GRB14: variants seen among roughly 807,000 people sequenced by gnomAD.
The protein encoded by GRB14 is growth factor receptor-bound protein 14.
GRB14 carries 38 observed loss-of-function variants against 69.1 expected under a neutral mutation model. The observed-to-expected ratio is 0.55, with a 90% CI of 0.42 to 0.72. The LOEUF is 0.72. Among genes scored for constraint, GRB14 ranks in the 30% least tolerant of loss-of-function variants. GRB14 has a pLI of 0.00. For synonymous variants in GRB14, 247 were observed against 241.3 expected, an observed-to-expected ratio of 1.02 and a Z score of -0.22; for missense variants, 666 against 666.1, an observed-to-expected ratio of 1.00 and a Z score of 0.00.
rs1368912017 is a variant in GRB14 at position 164,547,801 on chromosome 2, T to C, written c.340A>G (p.Ser114Gly). ...AAAGCCCTGCTGGTTTCATCTTCAC[T>C]GTATACTTTAATCACCTGTGTAGGT... ...SRKKQVIKVY[S>G]EDETSRALDV... The change falls in exon 3 of 14, where the codon AGT becomes GGT. Residue 114 changes from serine to glycine, a missense_variant. Physicochemically the swap from Ser to Gly is moderately conservative, Grantham distance 56. Coordinates refer to ENST00000263915, the MANE Select transcript of GRB14 (RefSeq NM_004490.3). 2.9e-5 allele frequency: 47 copies of C among 1,611,456 alleles called. No individual in the cohort carries two copies. The highest frequency in any genetic ancestry group is 3.8e-5 in the Non-Finnish European group (45 of 1,178,454).
intron 3 of GRB14, among the ~76,000 whole-genome samples, chr2:164,533,972 C>T (rs1281843446): frequency 9.9e-5 from 15 of 152,234 alleles, no homozygotes; most frequent in Non-Finnish European, 4.4e-5. Flanking sequence ...TATTTACATA[C>T]TGCAATTACT....
intron 12 of GRB14, 56 bp from the exon 13 acceptor site, chr2:164,494,580 A>G (rs1574237055): frequency 1.1e-6 from 1 of 918,706 alleles, no homozygotes; most frequent in East Asian, 2.4e-5. Flanking sequence ...ATTTCATAGA[A>G]CTATAGCATT....
At chr2:164,566,869 C>T (rs1688988129) in intron 2 of GRB14, among the ~76,000 whole-genome samples, 1 of 152,082 alleles carries the variant, frequency 6.6e-6, no homozygotes. Flanking sequence ...GAAGTAAAGA[C>T]TCCAAGAGTT....
At position 164,502,006 on chromosome 2, in the gene GRB14, T is replaced by G. The variant is rs947734955; in HGVS notation, c.1104+249A>C. ...ATAATTGTTTCAAATATTTAAAACT[T>G]TAACATATACTATTATATATTTTAT... On this transcript the variant is annotated intron_variant, in intron 9 of 13. Coordinates refer to ENST00000263915, the MANE Select transcript of GRB14 (RefSeq NM_004490.3). Among the ~76,000 whole-genome samples, 4 of 151,972 alleles carry G rather than the reference T, an allele frequency of 2.6e-5. No homozygotes were observed. In the East Asian group the frequency reaches 5.8e-4, roughly 22 times the overall value.
At chr2:164,517,042 T>C (rs1323716316) in intron 6 of GRB14, among the ~76,000 whole-genome samples, 1 of 152,100 alleles carries the variant, frequency 6.6e-6, no homozygotes, top group Non-Finnish European at 1.5e-5. Context: ...GTTTTCATGC[T>C]GCTGATAAAG....
chr2:164,578,522 G>GCACACACACACA (rs61283767), intron 2 of GRB14, among the ~76,000 whole-genome samples: 33 of 145,680 alleles, frequency 2.3e-4, no homozygotes, highest in Admixed American at 8.2e-4. Context: ...CAATTCGCGC[G>GCACACACACACA]CACACACACA....
chr2:164,514,406 T>C (rs528578231), intron 6 of GRB14, among the ~76,000 whole-genome samples: 55 of 152,086 alleles, frequency 3.6e-4, no homozygotes, highest in Non-Finnish European at 7.5e-4. Flanking sequence ...AGGGGGATCG[T>C]CCACCCCTGA....
chr2:164,555,140 G>T (rs1425316954), intron 2 of GRB14, among the ~76,000 whole-genome samples: 1 of 152,200 alleles, frequency 6.6e-6, no homozygotes, highest in African/African-American at 2.4e-5. Context: ...AGTGAGCAAA[G>T]GCTAAGCAGT....
chr2:164,511,407 C>T (rs1687334959), intron 6 of GRB14, among the ~76,000 whole-genome samples: 1 of 152,160 alleles, frequency 6.6e-6, no homozygotes, highest in Non-Finnish European at 1.5e-5. Context: ...TGTCTTACAT[C>T]TTGGATACCA....
At chr2:164,573,114 G>T (rs1204843425) in intron 2 of GRB14, among the ~76,000 whole-genome samples, 1 of 151,926 alleles carries the variant, frequency 6.6e-6, no homozygotes, top group Non-Finnish European at 1.5e-5. Context: ...CTCCTTTCTT[G>T]CCTGAGACTT....
chr2:164,560,752 A>G (rs1373392729), intron 2 of GRB14, among the ~76,000 whole-genome samples: 1 of 152,106 alleles, frequency 6.6e-6, no homozygotes, highest in Non-Finnish European at 1.5e-5. Context: ...CTGCAAAATA[A>G]TAATTCCTGG....
chr2:164,493,362 A>C (rs927743112), intron 13 of GRB14, among the ~76,000 whole-genome samples, 180 bp from the exon 14 acceptor site: 2 of 152,146 alleles, frequency 1.3e-5, no homozygotes, highest in Non-Finnish European at 2.9e-5. Flanking sequence ...TTTAAAAGAA[A>C]TATCAGCTGA....
At chr2:164,615,839 A>G (rs910152835) in intron 2 of GRB14, among the ~76,000 whole-genome samples, 8 of 152,198 alleles carry the variant, frequency 5.3e-5, no homozygotes, top group African/African-American at 1.7e-4. Context: ...TCAACAAAAA[A>G]GACAAGAACT....
chr2:164,553,971 A>G (rs1255779801), intron 2 of GRB14, among the ~76,000 whole-genome samples: 7 of 152,138 alleles, frequency 4.6e-5, no homozygotes, highest in Admixed American at 4.6e-4. Flanking sequence ...GAATATATAT[A>G]TATATAAAAG....
intron 3 of GRB14, among the ~76,000 whole-genome samples, chr2:164,542,582 G>C (rs984433729): frequency 6.6e-6 from 1 of 152,052 alleles, no homozygotes; most frequent in African/African-American, 2.4e-5. Flanking sequence ...AAGTGGTGAA[G>C]GACACGAATC....
intron 8 of GRB14, among the ~76,000 whole-genome samples, chr2:164,505,693 T>A (rs1687170953): frequency 6.6e-6 from 1 of 152,156 alleles, no homozygotes; most frequent in African/African-American, 2.4e-5. Context: ...TAAAATACAT[T>A]TATGTCCATA....
chr2:164,539,239 C>G (rs574674465), intron 3 of GRB14, among the ~76,000 whole-genome samples: 29 of 152,136 alleles, frequency 1.9e-4, no homozygotes, highest in African/African-American at 6.5e-4. Flanking sequence ...CTTTGGGAGG[C>G]CAAGGCAGAT....
At chr2:164,571,917 TA>T (rs1479845462) in intron 2 of GRB14, among the ~76,000 whole-genome samples, 1 of 152,240 alleles carries the variant, frequency 6.6e-6, no homozygotes, top group Admixed American at 6.5e-5. Flanking sequence ...TACATTAGCA[TA>T]AAATGTCACA....
intron 5 of GRB14, among the ~76,000 whole-genome samples, chr2:164,523,406 G>A (rs1290160754): frequency 1.3e-5 from 2 of 151,290 alleles, no homozygotes; most frequent in South Asian, 2.1e-4. Flanking sequence ...AAATGCATTA[G>A]TGTCTCATTT....
Sources: gnomAD v4.1 joint callset for allele counts (sites outside exome capture counted in the v4.1 genomes callset) on GRCh38, gnomAD v4.1.1 for gene constraint, MANE v1.5 for transcripts, NCBI Gene and HGNC (gene_info 2026-07-23, HGNC 2026-07-21) for gene names.